AKNA: variants seen among roughly 807,000 people sequenced by gnomAD.
AKNA encodes AT-hook transcription factor, also known as microtubule organization protein AKNA.
In AKNA, 67 loss-of-function variants were observed where a neutral mutation model predicts 138.8. The observed-to-expected ratio is 0.48, with a 90% confidence interval of 0.40 to 0.59. The LOEUF (loss-of-function observed/expected upper bound fraction) is 0.59. AKNA is among the 20% of genes least tolerant of loss of function. The pLI, the probability that AKNA is intolerant of heterozygous loss-of-function variation, is 0.00. For synonymous variants in AKNA, 737 were observed against 754.4 expected (o/e 0.98, Z 0.38); for missense variants, 1,813 against 1,880.4 (o/e 0.96, Z 0.66).
At chr9:114,382,155 T>A (rs1389986897) in intron 1 of AKNA, among the ~76,000 whole-genome samples, 1 of 152,248 alleles carries the variant, frequency 6.6e-6, no homozygotes, top group Non-Finnish European at 1.5e-5. Context: ...CCAGGTGAGA[T>A]GTGCTGGAGG....
chr9:114,354,407 G>A (rs1448374545), intron 14 of AKNA, among the ~76,000 whole-genome samples: 1 of 152,144 alleles, frequency 6.6e-6, no homozygotes, highest in East Asian at 1.9e-4. Flanking sequence ...GACTACCTGA[G>A]GCTATTTAAT....
intron 4 of AKNA, among the ~76,000 whole-genome samples, chr9:114,373,707 C>T (rs1002047383): frequency 6.0e-5 from 9 of 149,516 alleles, no homozygotes; most frequent in African/African-American, 2.2e-4. Context: ...AGTAAGACCC[C>T]GTCTCTACAA....
rs1412533389 is a variant in AKNA, at chr9:114,376,922, G to T, written c.885C>A (p.His295Gln). 6.2e-7 allele frequency: 1 copy of T among 1,614,224 alleles called. No homozygotes were observed. Among genetic ancestry groups the T allele is most frequent in the Non-Finnish European group, 8.5e-7 (1 of 1,180,036 alleles). The change falls in exon 3 of 22, where the codon CAC becomes CAA. Residue 295 changes from histidine to glutamine, a missense_variant. Transcript: ENST00000374088. The stretch of plus-strand genomic sequence containing the variant: ...GTGACGTCTTTGTCTGCTTCCAGAT[G>T]TGTTCCTTGGGCTGAGGGCAGAAGA... ...TRFFCPQPKEHIWKQTKTSPK... is the reference protein window; with the variant it reads ...TRFFCPQPKEQIWKQTKTSPK...
At chr9:114,376,387 G>A in intron 3 of AKNA, 79 bp downstream of exon 3, 1 of 1,484,066 alleles carries the variant, frequency 6.7e-7, no homozygotes, top group Non-Finnish European at 9.3e-7. Context: ...TCTACTCCAG[G>A]CCTCCCCACC....
chr9:114,385,751 G>A lies in AKNA; in HGVS notation c.-114+2109C>T, dbSNP rs954776155. On this transcript the variant is annotated intron_variant, in intron 1 of 21. Coordinates refer to ENST00000374088, the MANE Select transcript of AKNA (RefSeq NM_001317950.2). ...TGAGCCAGGCCTCTGCCTTCCATGC[G>A]AGCCATGGCCCTCCTCACCACAAAG... 5.9e-5 allele frequency among the ~76,000 whole-genome samples: 9 copies of A among 152,132 alleles called. 1 individual carries two copies. Among genetic ancestry groups the A allele is most frequent in the Admixed American group, 5.2e-4 (8 of 15,264 alleles).
intron 1 of AKNA, among the ~76,000 whole-genome samples, chr9:114,386,475 G>C (rs1834040928): frequency 6.6e-6 from 1 of 151,596 alleles, no homozygotes; most frequent in Non-Finnish European, 1.5e-5. Flanking sequence ...GATAAAGGCA[G>C]AGTTGTTCCA....
chr9:114,391,153 C>G (rs150858956), upstream of AKNA, among the ~76,000 whole-genome samples: 617 of 152,330 alleles, frequency 4.1e-3, 9 homozygotes, highest in African/African-American at 0.014. Context: ...CCCTAGAGCC[C>G]AAGCAGCTTG....
chr9:114,338,737 A>G (rs1830151329), intron 21 of AKNA, among the ~76,000 whole-genome samples: 1 of 152,184 alleles, frequency 6.6e-6, no homozygotes, highest in South Asian at 2.1e-4. Context: ...ACCTAAAACG[A>G]CCACAGTTAG....
chr9:114,345,704 T>C (rs1588949504), intron 18 of AKNA, 159 bp downstream of exon 18: 1 of 594,164 alleles, frequency 1.7e-6, no homozygotes, highest in East Asian at 3.1e-5. Context: ...TGCACCGAGA[T>C]TCATGGAGGC....
At chr9:114,375,042 G>A (rs1024894905) in intron 3 of AKNA, among the ~76,000 whole-genome samples, 22 of 152,210 alleles carry the variant, frequency 1.4e-4, no homozygotes, top group African/African-American at 5.3e-4. Context: ...TCACCAACAA[G>A]AGAGCAGCAG....
At chr9:114,372,023 G>A (rs574214410) in intron 4 of AKNA, among the ~76,000 whole-genome samples, 1 of 152,316 alleles carries the variant, frequency 6.6e-6, no homozygotes. Flanking sequence ...CCGGGGCTCT[G>A]TGTTCTCTTC....
chr9:114,332,958 G>A (rs1216433401), downstream of AKNA: 8 of 1,540,590 alleles, frequency 5.2e-6, no homozygotes, highest in African/African-American at 1.4e-5. Flanking sequence ...TGGAGCCCTG[G>A]TTGAGCTGGT....
chr9:114,391,853 CAA>C (rs61158842), upstream of AKNA, among the ~76,000 whole-genome samples: 2,008 of 62,984 alleles, frequency 0.032, 52 homozygotes, highest in African/African-American at 0.12. Context: ...GACTCTGTCT[CAA>C]AAAAAAAAAA....
chr9:114,348,756 C>G, intron 15 of AKNA: 4 of 421,248 alleles, frequency 9.5e-6, no homozygotes, highest in Non-Finnish European at 1.9e-5. Context: ...ATACCCCTCC[C>G]CACAAGACCC....
chr9:114,378,214 C>T (rs968922712), intron 2 of AKNA, among the ~76,000 whole-genome samples: 1 of 152,184 alleles, frequency 6.6e-6, no homozygotes, highest in South Asian at 2.1e-4. Flanking sequence ...TACGCATGTG[C>T]GCATCCCTCT....
At chr9:114,389,644 G>C (rs1834260428), upstream of AKNA, among the ~76,000 whole-genome samples, 8 of 152,304 alleles carry the variant, frequency 5.3e-5, no homozygotes, top group South Asian at 1.7e-3. Context: ...GTCATGTATT[G>C]AGCTATTTTA....
chr9:114,378,525 A>G (rs1269566547), intron 2 of AKNA, among the ~76,000 whole-genome samples: 4 of 152,192 alleles, frequency 2.6e-5, no homozygotes, highest in African/African-American at 9.7e-5. Context: ...GGTACCTGAC[A>G]CTATTTGTTG....
intron 6 of AKNA, among the ~76,000 whole-genome samples, 158 bp downstream of exon 6, chr9:114,367,385 G>A (rs1832439626): frequency 6.6e-6 from 1 of 152,134 alleles, no homozygotes; most frequent in Non-Finnish European, 1.5e-5. Context: ...CTAAAACCAG[G>A]GAGGGGCTCA....
chr9:114,348,227 G>A (rs917212114), intron 15 of AKNA, among the ~76,000 whole-genome samples: 1 of 152,134 alleles, frequency 6.6e-6, no homozygotes, highest in African/African-American at 2.4e-5. Context: ...CATAGAGAGG[G>A]CCCTAGCTAC....
Sources: allele counts gnomAD v4.1 joint callset (sites outside exome capture counted in the v4.1 genomes callset), GRCh38; gene constraint gnomAD v4.1.1; transcripts MANE v1.5; gene names NCBI Gene and HGNC (gene_info 2026-07-23, HGNC 2026-07-21).